OPRD1: variants seen among roughly 807,000 people sequenced by gnomAD.
OPRD1 encodes the protein delta-type opioid receptor.
A neutral mutation model predicts 17.5 loss-of-function variants in OPRD1; 19 were observed. The ratio of observed to expected loss-of-function variants is 1.09; its 90% CI spans 0.76 to 1.60. OPRD1 has a LOEUF of 1.60. Ranked by LOEUF, OPRD1 falls within the 40% of genes most tolerant of loss-of-function variation. The probability of loss-of-function intolerance (pLI) is 0.00; values close to 1 mark genes in which losing one functional copy is unlikely to be tolerated. For missense variants in OPRD1, 483 were observed against 547.2 expected (o/e 0.88, Z 1.17); for synonymous variants, 256 against 240.9 (o/e 1.06, Z -0.58).
At position 28,868,919 on chromosome 1, in the gene OPRD1, A is replaced by G. The variant is rs1459977523; in HGVS notation, c.*5636A>G. 6.6e-6 allele frequency: 1 copy of G among 152,048 alleles called. No homozygotes were observed. The highest frequency in any genetic ancestry group is 6.6e-5 in the Admixed American group (1 of 15,264). The allele number at this position is 152,048 out of a possible 1,614,324, so 9.4% of individuals were successfully genotyped here. A position where few individuals can be genotyped will look rare whatever the true frequency, so the allele number is the denominator to read the frequency against. On this transcript the variant is annotated 3_prime_UTR_variant, in exon 3 of 3. Coordinates refer to ENST00000234961, the MANE Select transcript of OPRD1 (RefSeq NM_000911.4). Reference sequence around the variant, plus strand: ...CATCCTGAGAGGACTTGGAAGAACAACAGTCCAGGCTGGGCACCTGCTGGG... The same window carrying G: ...CATCCTGAGAGGACTTGGAAGAACAGCAGTCCAGGCTGGGCACCTGCTGGG...
chr1:28,855,341 C>T (rs2089046454), intron 1 of OPRD1, among the ~76,000 whole-genome samples: 1 of 152,186 alleles, frequency 6.6e-6, no homozygotes, highest in Admixed American at 6.5e-5. Flanking sequence ...GTCCAGGGAA[C>T]ATCAAAGAGG....
intron 1 of OPRD1, among the ~76,000 whole-genome samples, chr1:28,825,225 A>G (rs1464160803): frequency 4.6e-5 from 7 of 152,128 alleles, no homozygotes; most frequent in African/African-American, 1.7e-4. Context: ...ACCGAGACCT[A>G]GAAAGGTTCT....
rs149290384 is a variant in OPRD1 at position 28,862,821 on chromosome 1, C to A, written c.657C>A (p.Leu219=). The change falls in exon 3 of 3, where the codon CTC becomes CTA. Residue 219 remains leucine, a synonymous_variant. Coordinates refer to ENST00000234961, the MANE Select transcript of OPRD1 (RefSeq NM_000911.4). The part of the protein sequence containing the change: ...WDTVTKICVF[L]FAFVVPILII... ...CGGTGACCAAGATCTGCGTGTTCCT[C>A]TTCGCCTTCGTGGTGCCCATCCTCA... 2.5e-6 allele frequency: 4 copies of A among 1,613,496 alleles called. No homozygotes were observed. In the Admixed American group the frequency reaches 6.7e-5, roughly 27 times the overall value.
chr1:28,823,717 A>G (rs1394542050), intron 1 of OPRD1, among the ~76,000 whole-genome samples: 1 of 151,332 alleles, frequency 6.6e-6, no homozygotes, highest in Non-Finnish European at 1.5e-5. Context: ...TTTAGTAGAG[A>G]TGAGGTTTCA....
chr1:28,815,374 G>A (rs1419675556), intron 1 of OPRD1, among the ~76,000 whole-genome samples: 2 of 152,188 alleles, frequency 1.3e-5, no homozygotes, highest in Admixed American at 6.5e-5. Context: ...CCAAAGTGCT[G>A]GGATTACGGG....
chr1:28,850,888 A>G (rs1000355615), intron 1 of OPRD1, among the ~76,000 whole-genome samples: 4 of 151,822 alleles, frequency 2.6e-5, no homozygotes, highest in African/African-American at 9.7e-5. Flanking sequence ...AGAGGATATA[A>G]CAAAAGAGGA....
chr1:28,814,843 A>C (rs1272254210), intron 1 of OPRD1, among the ~76,000 whole-genome samples: 1 of 152,184 alleles, frequency 6.6e-6, no homozygotes, highest in Non-Finnish European at 1.5e-5. Flanking sequence ...ATTTATGTGA[A>C]AATTGTATCT....
At chr1:28,846,909 T>TC (rs2088957631) in intron 1 of OPRD1, among the ~76,000 whole-genome samples, 3 of 131,604 alleles carry the variant, frequency 2.3e-5, no homozygotes, top group Non-Finnish European at 3.3e-5. Context: ...TTCTTTCTTT[T>TC]TCTTTCTTTC....
chr1:28,815,701 C>A (rs2088667418), intron 1 of OPRD1, among the ~76,000 whole-genome samples: 1 of 152,212 alleles, frequency 6.6e-6, no homozygotes, highest in South Asian at 2.1e-4. Context: ...CTGCGGTTTC[C>A]TGGCAGCCCA....
intron 2 of OPRD1, among the ~76,000 whole-genome samples, chr1:28,861,597 A>G (rs2089122416): frequency 6.6e-6 from 1 of 152,110 alleles, no homozygotes; most frequent in Non-Finnish European, 1.5e-5. Context: ...GATATGCACC[A>G]CCATACCCAG....
At chr1:28,857,654 A>G (rs560308691) in intron 1 of OPRD1, among the ~76,000 whole-genome samples, 2 of 151,718 alleles carry the variant, frequency 1.3e-5, no homozygotes, top group East Asian at 1.9e-4. Context: ...TATTATTATT[A>G]TTATTGTTAT....
chr1:28,859,001 C>A lies in OPRD1; in HGVS notation c.275C>A (p.Ala92Asp). 1 of 1,613,782 alleles carries A rather than the reference C, an allele frequency of 6.2e-7. No homozygotes were observed. Among genetic ancestry groups the A allele is most frequent in the Non-Finnish European group, 8.5e-7 (1 of 1,180,044 alleles). Residue 92 changes from alanine to aspartate, a missense_variant, in exon 2 of 3, where the codon GCC becomes GAC. By Grantham distance (126) the Ala-to-Asp change is moderately radical. Transcript: ENST00000234961. ...TATNIYIFNLALADALATSTL... is the reference protein window; with the variant it reads ...TATNIYIFNLDLADALATSTL... Reference sequence around the variant, plus strand: ...ACCAACATCTACATCTTCAACCTGGCCTTAGCCGATGCGCTGGCCACCAGC... The same window carrying A: ...ACCAACATCTACATCTTCAACCTGGACTTAGCCGATGCGCTGGCCACCAGC...
intron 1 of OPRD1, among the ~76,000 whole-genome samples, chr1:28,844,201 A>C: frequency 6.7e-6 from 1 of 149,496 alleles, no homozygotes. Context: ...ATAGGTGTGA[A>C]GTGGTATCTC....
chr1:28,814,493 C>T (rs1235591413), intron 1 of OPRD1, among the ~76,000 whole-genome samples: 1 of 152,188 alleles, frequency 6.6e-6, no homozygotes, highest in Admixed American at 6.5e-5. Flanking sequence ...CTGAGAGTAG[C>T]TGTGATTCTG....
intron 1 of OPRD1, among the ~76,000 whole-genome samples, chr1:28,829,580 G>C (rs2088795303): frequency 6.6e-6 from 1 of 152,098 alleles, no homozygotes; most frequent in South Asian, 2.1e-4. Flanking sequence ...GGTTGGCCAG[G>C]CTGGTCTCGA....
rs564293582 is a variant in OPRD1, at chr1:28,842,356, G to A, written c.228-16598G>A. Among the ~76,000 whole-genome samples, 8 of 152,308 alleles carry A rather than the reference G, an allele frequency of 5.3e-5. No individual in the cohort carries two copies. The East Asian group carries it at 1.3e-3, about 26-fold the overall frequency. Reference sequence around the variant, plus strand: ...AGCACCGGGCATTTAGACGTCGGCCGCTCTGACCAACTGCTCTGGCTTTGC... The same window carrying A: ...AGCACCGGGCATTTAGACGTCGGCCACTCTGACCAACTGCTCTGGCTTTGC... On this transcript the variant is annotated intron_variant, in intron 1 of 2. Coordinates refer to ENST00000234961, the MANE Select transcript of OPRD1 (RefSeq NM_000911.4).
At chr1:28,828,972 A>G (rs543376117) in intron 1 of OPRD1, among the ~76,000 whole-genome samples, 22 of 138,100 alleles carry the variant, frequency 1.6e-4, no homozygotes, top group Admixed American at 6.3e-4. Context: ...CCTGGGTAAC[A>G]GAGTGAGACT....
At chr1:28,833,411 G>T (rs753862291) in intron 1 of OPRD1, among the ~76,000 whole-genome samples, 1 of 152,190 alleles carries the variant, frequency 6.6e-6, no homozygotes, top group Non-Finnish European at 1.5e-5. Context: ...GGCTTATACC[G>T]TTGTGGGGTC....
chr1:28,846,854 C>CTTTCT lies in OPRD1; in HGVS notation c.228-12097_228-12093dup, dbSNP rs1557575939. The stretch of plus-strand genomic sequence containing the variant: ...CTTTCTTTCTTTCTTTCTTTTCTTT[C>CTTTCT]TTTCTTTCTTTCTTTCTTTCTTTCT... On this transcript the variant is annotated intron_variant, in intron 1 of 2. Transcript: ENST00000234961. 3.2e-3 allele frequency among the ~76,000 whole-genome samples: 171 copies of CTTTCT among 54,256 alleles called. 2 individuals are homozygous for CTTTCT. The highest frequency in any genetic ancestry group is 8.5e-3 in the African/African-American group (153 of 17,926). 35.6% of individuals were successfully genotyped at this position (54,256 alleles called of 152,430 possible).
Sources: gnomAD v4.1 joint callset for allele counts (sites outside exome capture counted in the v4.1 genomes callset) on GRCh38, gnomAD v4.1.1 for gene constraint, MANE v1.5 for transcripts, NCBI Gene and HGNC (gene_info 2026-07-23, HGNC 2026-07-21) for gene names.